Variants in NSD3 observed in about 807,000 individuals in gnomAD.
NSD3 encodes the protein histone-lysine N-methyltransferase NSD3.
In NSD3, 24 loss-of-function variants were observed where a neutral mutation model predicts 160.8. That is an observed-to-expected ratio of 0.15 (90% CI 0.11 to 0.21). The LOEUF (loss-of-function observed/expected upper bound fraction) is 0.21, where lower values mean the gene tolerates loss of function less well. NSD3 is among the 10% of genes least tolerant of loss of function. NSD3 has a pLI of 1.00. For synonymous variants in NSD3, 520 were observed against 600.0 expected (o/e 0.87, Z 1.95); for missense variants, 1,157 against 1,735.9 (o/e 0.67, Z 5.93).
chr8:38,359,534 C>T (rs1246577927), intron 1 of NSD3, among the ~76,000 whole-genome samples: 11 of 152,260 alleles, frequency 7.2e-5, no homozygotes, highest in Non-Finnish European at 2.9e-5. Context: ...AAAGTAAAAA[C>T]CAACCACCTG....
chr8:38,362,068 G>A (rs1810980712), intron 1 of NSD3, among the ~76,000 whole-genome samples: 1 of 151,830 alleles, frequency 6.6e-6, no homozygotes, highest in Non-Finnish European at 1.5e-5. Context: ...CAAATTATAA[G>A]TATTTAATGA....
intron 23 of NSD3, 190 bp from the exon 24 acceptor site, chr8:38,276,072 C>T (rs946648656): frequency 3.8e-6 from 3 of 779,378 alleles, no homozygotes; most frequent in Admixed American, 5.7e-5. Context: ...GGCCAAAACC[C>T]AACGCCACAG....
At chr8:38,345,043 C>T (rs1346041973) in intron 2 of NSD3, among the ~76,000 whole-genome samples, 1 of 152,142 alleles carries the variant, frequency 6.6e-6, no homozygotes, top group African/African-American at 2.4e-5. Context: ...ATGACATTAA[C>T]GATAGGCAAG....
intron 14 of NSD3, 151 bp downstream of exon 14, chr8:38,304,436 C>T (rs1809347592): frequency 1.7e-6 from 1 of 576,818 alleles, no homozygotes; most frequent in African/African-American, 1.9e-5. Flanking sequence ...AAATGTTCAT[C>T]TCTCTCAGGG....
chr8:38,292,792 AAAAC>A (rs752048621), intron 16 of NSD3, among the ~76,000 whole-genome samples: 79 of 151,522 alleles, frequency 5.2e-4, no homozygotes, highest in Non-Finnish European at 1.0e-3. Flanking sequence ...CTGTCTCAAA[AAAAC>A]AAACAAACAA....
intron 12 of NSD3, among the ~76,000 whole-genome samples, chr8:38,307,135 A>AAAAAAT (rs1554524057): frequency 7.5e-5 from 7 of 93,656 alleles, no homozygotes; most frequent in African/African-American, 2.8e-4. Flanking sequence ...AAAATAAAAT[A>AAAAAAT]AAATAAATAA....
chr8:38,296,021 G>A (rs1809129097), intron 15 of NSD3, 69 bp from the exon 16 acceptor site: 3 of 1,444,510 alleles, frequency 2.1e-6, no homozygotes, highest in Admixed American at 2.6e-5. Flanking sequence ...AAAGGAGAAA[G>A]TTATCTTTTC....
chr8:38,366,443 GTCTC>G (rs372604973), intron 1 of NSD3, among the ~76,000 whole-genome samples: 160 of 120,238 alleles, frequency 1.3e-3, no homozygotes, highest in African/African-American at 4.8e-3. Flanking sequence ...TTGAGATAGA[GTCTC>G]TGTCGTCGCC....
At chr8:38,373,403 C>G (rs990866514) in intron 1 of NSD3, among the ~76,000 whole-genome samples, 2 of 151,958 alleles carry the variant, frequency 1.3e-5, no homozygotes, top group Admixed American at 1.3e-4. Context: ...ATTTTCACTT[C>G]CTAATTATTT....
chr8:38,287,906 C>T (rs147681629), intron 19 of NSD3, among the ~76,000 whole-genome samples: 1,737 of 152,108 alleles, frequency 0.011, 14 homozygotes, highest in Middle Eastern at 0.037. Context: ...CCACTGTGCC[C>T]GGCTGATTTT....
intron 16 of NSD3, 128 bp downstream of exon 16, chr8:38,295,668 C>CTT (rs372792522): frequency 6.8e-4 from 479 of 699,692 alleles, no homozygotes; most frequent in South Asian, 1.3e-3. Flanking sequence ...TGGTTCTTTT[C>CTT]TTTTTTTTTT....
At chr8:38,357,485 A>C (rs1010915576) in intron 1 of NSD3, among the ~76,000 whole-genome samples, 1 of 152,182 alleles carries the variant, frequency 6.6e-6, no homozygotes, top group African/African-American at 2.4e-5. Flanking sequence ...TGCCTTTACT[A>C]ATATTATATC....
Position 38,317,538 on chromosome 8 carries a change from T to G in NSD3, c.1855+1357A>C. 9.4e-7 allele frequency: 1 copy of G among 1,065,396 alleles called. No homozygotes were observed. Among genetic ancestry groups the G allele is most frequent in the Non-Finnish European group, 1.1e-6 (1 of 879,184 alleles). 66.0% of individuals were successfully genotyped at this position (1,065,396 alleles called of 1,614,324 possible). On this transcript the variant is annotated intron_variant, in intron 9 of 23. Coordinates refer to ENST00000317025, the MANE Select transcript of NSD3 (RefSeq NM_023034.2). The surrounding 1 kb of genome is among the most constrained non-coding windows in gnomAD (Gnocchi z 5.3). The stretch of plus-strand genomic sequence containing the variant: ...ACTGCCAAAGACAGCTGTCATGCTG[T>G]TCTCCATGATAACGGCACTAATATT...
chr8:38,327,208 C>A (rs778919264), intron 6 of NSD3, among the ~76,000 whole-genome samples: 3 of 151,762 alleles, frequency 2.0e-5, no homozygotes, highest in Non-Finnish European at 4.4e-5. Context: ...TGCCACCACG[C>A]CCTGCTAATT....
chr8:38,286,604 T>TA, intron 19 of NSD3, among the ~76,000 whole-genome samples: 1 of 152,212 alleles, frequency 6.6e-6, no homozygotes. Flanking sequence ...AGAAAACTAA[T>TA]ACACCAAATC....
intron 4 of NSD3, among the ~76,000 whole-genome samples, chr8:38,331,975 C>T (rs558397320): frequency 4.7e-4 from 72 of 152,360 alleles, no homozygotes; most frequent in Non-Finnish European, 8.7e-4. Flanking sequence ...TGGCCCAGGC[C>T]GGACTGCAGT....
intron 3 of NSD3, among the ~76,000 whole-genome samples, chr8:38,337,746 C>T (rs544161356): frequency 1.4e-4 from 22 of 151,784 alleles, no homozygotes; most frequent in Middle Eastern, 6.8e-3. Flanking sequence ...ATTAAAAATG[C>T]TAACAATGTA....
rs767418533 is a variant in NSD3 at position 38,331,505 on chromosome 8, T to G, written c.991A>C (p.Lys331Gln). The G allele has an allele frequency of 6.2e-7, 1 of 1,613,998 alleles. No homozygotes were observed. The highest frequency in any genetic ancestry group is 1.3e-5 in the African/African-American group (1 of 75,054). ...AATTCTTCATACTGTTTATGACCTTTATACTCTCGTACCCGTTTTTCATGA... is the reference window on the plus strand; with the variant it reads ...AATTCTTCATACTGTTTATGACCTTGATACTCTCGTACCCGTTTTTCATGA... ...WVHEKRVREYKGHKQYEELLA... is the reference protein window; with the variant it reads ...WVHEKRVREYQGHKQYEELLA... The change falls in exon 5 of 24, where the codon AAA becomes CAA. Residue 331 changes from lysine to glutamine, a missense_variant. By Grantham distance (53) the Lys-to-Gln change is moderately conservative. Coordinates refer to ENST00000317025, the MANE Select transcript of NSD3 (RefSeq NM_023034.2).
At position 38,337,393 on chromosome 8, in the gene NSD3, C is replaced by T. The variant is rs1437612268; in HGVS notation, c.822G>A (p.Val274=). The T allele has an allele frequency of 1.2e-6, 2 of 1,612,898 alleles. No homozygotes were observed. The highest frequency in any genetic ancestry group is 8.5e-7 in the Non-Finnish European group (1 of 1,179,572). The change falls in exon 4 of 24, where the codon GTG becomes GTA. Residue 274 remains valine (V), a synonymous_variant. Coordinates refer to ENST00000317025, the MANE Select transcript of NSD3 (RefSeq NM_023034.2). Reference sequence around the variant, plus strand: ...AAGGATAGGTTCCCACCTTGGACCACACAAGATCGCCAACCTGAAACTTAA... The same window carrying T: ...AAGGATAGGTTCCCACCTTGGACCATACAAGATCGCCAACCTGAAACTTAA... ...TGVKFQVGDL[V]WSKVGTYPWW...
Sources: gnomAD v4.1 joint callset for allele counts (sites outside exome capture counted in the v4.1 genomes callset) on GRCh38, gnomAD v4.1.1 for gene constraint, Gnocchi (gnomAD v3.1) non-coding constraint, MANE v1.5 for transcripts, NCBI Gene and HGNC (gene_info 2026-07-23, HGNC 2026-07-21) for gene names.